Variants in EIF4G3 observed in about 807,000 individuals in gnomAD.
EIF4G3 encodes eukaryotic translation initiation factor 4 gamma 3.
Under a neutral mutation model 186.4 loss-of-function variants are expected in EIF4G3, and 34 were observed. The ratio of observed to expected loss-of-function variants is 0.18; its 90% CI spans 0.14 to 0.24. The LOEUF (loss-of-function observed/expected upper bound fraction) is 0.24. Among genes scored for constraint, EIF4G3 ranks in the 10% least tolerant of loss-of-function variants. EIF4G3 has a pLI of 1.00. For synonymous variants in EIF4G3, 673 were observed against 679.5 expected (o/e 0.99, Z 0.15); for missense variants, 1,536 against 1,948.5 (o/e 0.79, Z 3.99).
At chr1:20,970,732 G>C (rs989341616) in intron 11 of EIF4G3, among the ~76,000 whole-genome samples, 3 of 152,226 alleles carry the variant, frequency 2.0e-5, no homozygotes, top group African/African-American at 7.2e-5. Flanking sequence ...GGGAGGCTGA[G>C]GTGGGCGGAT....
At chr1:20,951,297 A>G (rs938300743) in intron 12 of EIF4G3, among the ~76,000 whole-genome samples, 1 of 152,192 alleles carries the variant, frequency 6.6e-6, no homozygotes, top group African/African-American at 2.4e-5. Context: ...ATATTTGACT[A>G]TATAAGGCTT....
intron 2 of EIF4G3, among the ~76,000 whole-genome samples, chr1:21,164,922 C>G (rs953084947): frequency 2.0e-5 from 3 of 152,084 alleles, no homozygotes; most frequent in Non-Finnish European, 2.9e-5. Context: ...ATCTGTTAAA[C>G]AACTTATATT....
chr1:21,024,046 G>C (rs1200607087), intron 4 of EIF4G3, among the ~76,000 whole-genome samples: 2 of 150,414 alleles, frequency 1.3e-5, no homozygotes, highest in Non-Finnish European at 3.0e-5. Context: ...GAGAAGTGAG[G>C]AGACCCTCCG....
At chr1:21,077,583 C>CAAA (rs59376357) in intron 3 of EIF4G3, among the ~76,000 whole-genome samples, 1 of 122,788 alleles carries the variant, frequency 8.1e-6, no homozygotes, top group Non-Finnish European at 1.8e-5. Flanking sequence ...ATTAAAAATA[C>CAAA]AAAAAAAAAA....
chr1:20,981,249 A>ATT, intron 8 of EIF4G3, 22 bp from the exon 9 acceptor site: 2 of 1,526,792 alleles, frequency 1.3e-6, no homozygotes, highest in Admixed American at 2.1e-5. Flanking sequence ...AGAAAAAAAA[A>ATT]ATTTTTTTTT....
At chr1:21,034,862 G>A (rs1228741055) in intron 4 of EIF4G3, among the ~76,000 whole-genome samples, 1 of 152,140 alleles carries the variant, frequency 6.6e-6, no homozygotes, top group African/African-American at 2.4e-5. Flanking sequence ...GGCACTCCTG[G>A]TGGCTGGGCC....
At chr1:20,919,692 GAC>G (rs1490210340) in intron 14 of EIF4G3, among the ~76,000 whole-genome samples, 4 of 152,086 alleles carry the variant, frequency 2.6e-5, no homozygotes, top group Non-Finnish European at 5.9e-5. Flanking sequence ...TTAGAAGGGA[GAC>G]ACAGCGTCTA....
intron 29 of EIF4G3, chr1:20,847,678 T>C (rs2071614310): frequency 2.5e-6 from 1 of 398,598 alleles, no homozygotes; most frequent in Non-Finnish European, 5.1e-6. Flanking sequence ...TGCCAATTTA[T>C]AAGAATACCC....
chr1:21,091,344 A>G (rs2096191160), intron 2 of EIF4G3, among the ~76,000 whole-genome samples: 1 of 151,990 alleles, frequency 6.6e-6, no homozygotes, highest in Admixed American at 6.6e-5. Context: ...TATTTTTAGT[A>G]GAGATGGGGC....
Position 21,176,855 on chromosome 1 carries a change from A to G in EIF4G3, c.-589T>C, listed in dbSNP as rs2098121008. On this transcript the variant is annotated 5_prime_UTR_variant, in exon 1 of 37. Coordinates refer to ENST00000602326, the MANE Select transcript of EIF4G3 (RefSeq NM_001391906.1). The stretch of plus-strand genomic sequence containing the variant: ...TCTTCACTCAACGAGCAGAGCATCC[A>G]ACATGGCGCTGTGGCCGCCTCCAGC... The G allele has an allele frequency of 8.6e-6, 6 of 700,662 alleles. No homozygotes were observed. In the Admixed American group the frequency reaches 1.2e-4, roughly 14 times the overall value. The allele number at this position is 700,662 out of a possible 1,614,324, so 43.4% of individuals were successfully genotyped here. A position where few individuals can be genotyped will look rare whatever the true frequency, so the allele number is the denominator to read the frequency against.
chr1:21,097,707 G>A (rs1019009468), intron 2 of EIF4G3, among the ~76,000 whole-genome samples: 1 of 152,218 alleles, frequency 6.6e-6, no homozygotes, highest in African/African-American at 2.4e-5. Context: ...AGGCAATTAA[G>A]TGGAGAAATA....
At chr1:20,871,038 T>G (rs1241496500) in intron 20 of EIF4G3, among the ~76,000 whole-genome samples, 1 of 152,102 alleles carries the variant, frequency 6.6e-6, no homozygotes, top group Non-Finnish European at 1.5e-5. Context: ...TATATCAATT[T>G]CCTCTATAAA....
chr1:21,130,384 T>A (rs1436350698), intron 2 of EIF4G3, among the ~76,000 whole-genome samples: 1 of 151,694 alleles, frequency 6.6e-6, no homozygotes, highest in Non-Finnish European at 1.5e-5. Flanking sequence ...ACCACCACAC[T>A]CAGCTAATTT....
chr1:20,874,792 G>C (rs1316108353), intron 20 of EIF4G3, among the ~76,000 whole-genome samples: 3 of 152,122 alleles, frequency 2.0e-5, no homozygotes, highest in African/African-American at 7.2e-5. Context: ...AAAAGTTCAT[G>C]AAAATAGCCT....
intron 4 of EIF4G3, among the ~76,000 whole-genome samples, chr1:21,018,906 A>G (rs2089973186): frequency 6.7e-6 from 1 of 149,398 alleles, no homozygotes; most frequent in African/African-American, 2.4e-5. Flanking sequence ...CTACAGAACC[A>G]TGAGACTAAT....
chr1:21,144,380 A>G (rs2097398291), intron 2 of EIF4G3, among the ~76,000 whole-genome samples: 1 of 151,538 alleles, frequency 6.6e-6, no homozygotes, highest in African/African-American at 2.4e-5. Flanking sequence ...CAGCTCTTTG[A>G]GCAGCTAGGA....
intron 14 of EIF4G3, among the ~76,000 whole-genome samples, chr1:20,907,305 T>C (rs1367887424): frequency 6.6e-6 from 1 of 152,156 alleles, no homozygotes. Flanking sequence ...TACAGACACA[T>C]TTAATTTCAA....
chr1:21,138,794 G>A (rs1558142660), intron 2 of EIF4G3, among the ~76,000 whole-genome samples: 1 of 152,072 alleles, frequency 6.6e-6, no homozygotes, highest in Non-Finnish European at 1.5e-5. Flanking sequence ...CTAGGCAACA[G>A]AGCAAGACTG....
intron 2 of EIF4G3, among the ~76,000 whole-genome samples, chr1:21,102,237 G>A (rs1268855558): frequency 4.6e-5 from 7 of 152,152 alleles, no homozygotes; most frequent in Admixed American, 4.6e-4. Flanking sequence ...GATCACCTGA[G>A]GTCAGGAGTT....
Sources: allele counts gnomAD v4.1 joint callset (sites outside exome capture counted in the v4.1 genomes callset), GRCh38; gene constraint gnomAD v4.1.1; transcripts MANE v1.5; gene names NCBI Gene and HGNC (gene_info 2026-07-23, HGNC 2026-07-21).